Variants in MIA2 observed in about 807,000 individuals in gnomAD.
The protein encoded by MIA2 is melanoma inhibitory activity protein 2.
Under a neutral mutation model 167.8 loss-of-function variants are expected in MIA2, and 127 were observed. The ratio of observed to expected loss-of-function variants is 0.76; its 90% CI spans 0.66 to 0.88. MIA2 has a LOEUF of 0.88. Ranked by LOEUF, MIA2 falls within the 40% of genes least tolerant of loss-of-function variation. The pLI, the probability that MIA2 is intolerant of heterozygous loss-of-function variation, is 0.00. For synonymous variants in MIA2, 552 were observed against 541.9 expected, an observed-to-expected ratio of 1.02 and a Z score of -0.26; for missense variants, 1,690 against 1,624.7, an observed-to-expected ratio of 1.04 and a Z score of -0.69.
chr14:39,372,372 C>T (rs1210591099), intron 23 of MIA2, among the ~76,000 whole-genome samples: 1 of 151,960 alleles, frequency 6.6e-6, no homozygotes, highest in Non-Finnish European at 1.5e-5. Flanking sequence ...AGAAGTTGTT[C>T]TTACATCAAA....
intron 24 of MIA2, among the ~76,000 whole-genome samples, chr14:39,324,628 A>G (rs1740400552): frequency 6.8e-6 from 1 of 146,380 alleles, no homozygotes; most frequent in Non-Finnish European, 1.5e-5. Context: ...TTTTTTTTTG[A>G]GATAGTCTCA....
In MIA2 at chr14:39,317,442, C is replaced by G. The variant is rs182428188; in HGVS notation, c.3217-502C>G. Reference sequence around the variant, plus strand: ...AGTGTTCATTTCAATGAACTAATCACCCAATCAGATAGAACCCAGGCTGGC... The same window carrying G: ...AGTGTTCATTTCAATGAACTAATCAGCCAATCAGATAGAACCCAGGCTGGC... On this transcript the variant is annotated intron_variant, in intron 21 of 28. Coordinates refer to ENST00000640607, the MANE Select transcript of MIA2 (RefSeq NM_001329214.4). Among the ~76,000 whole-genome samples the G allele has an allele frequency of 2.2e-3, 329 of 152,160 alleles. 1 individual carries two copies. The highest frequency in any genetic ancestry group is 3.6e-3 in the Non-Finnish European group (243 of 68,020).
chr14:39,276,487 G>A (rs1306697970), intron 6 of MIA2: 1 of 157,068 alleles, frequency 6.4e-6, no homozygotes, highest in Non-Finnish European at 1.4e-5. Flanking sequence ...TTTGAGACAG[G>A]TCTTACTTTG....
At chr14:39,309,826 T>C (rs2063917327) in intron 18 of MIA2, among the ~76,000 whole-genome samples, 1 of 152,152 alleles carries the variant, frequency 6.6e-6, no homozygotes, top group African/African-American at 2.4e-5. Flanking sequence ...TTCAGTGCCT[T>C]TATATATTGG....
rs559460508 is a variant in MIA2 at position 39,320,497 on chromosome 14, A to G, written c.3368-431A>G. On this transcript the variant is annotated intron_variant, in intron 23 of 28. Transcript: ENST00000640607. ...CATTATTTAAACAATTCATGGCCCA[A>G]TACAGCCTATCTGGCCCTGATTTAA... Among the ~76,000 whole-genome samples, 44 of 152,280 alleles carry G rather than the reference A, an allele frequency of 2.9e-4. 1 individual carries two copies. In the South Asian group the frequency reaches 8.1e-3, roughly 28 times the overall value.
rs1219118144 is a variant in MIA2, at chr14:39,291,107, AAATGG to A, written c.2208+12_2208+16del. The A allele has an allele frequency of 6.3e-6, 10 of 1,590,266 alleles. No individual in the cohort carries two copies. The highest frequency in any genetic ancestry group is 8.5e-6 in the Non-Finnish European group (10 of 1,172,042). ...GCACAAAGTTTGGAGGTAGAAAATC[AAATGG>A]TATAATTTTAAAAGCTGGGGAAAAA... On this transcript the variant is annotated intron_variant, in intron 10 of 28. Coordinates refer to ENST00000640607, the MANE Select transcript of MIA2 (RefSeq NM_001329214.4).
rs568974553 is a variant in MIA2, at chr14:39,273,781, T to C, written c.1888-3153T>C. Among the ~76,000 whole-genome samples the C allele has an allele frequency of 1.8e-3, 274 of 152,280 alleles. 1 individual carries two copies. The highest frequency in any genetic ancestry group is 6.3e-3 in the African/African-American group (262 of 41,556). On this transcript the variant is annotated intron_variant, in intron 6 of 28. Transcript: ENST00000640607. ...CATCTGGAGTCATAAGATATATTGG[T>C]GTGTGATTTTCTTTTCTTGTGTGAT...
chr14:39,384,807 C>T (rs570733678), intron 23 of MIA2, among the ~76,000 whole-genome samples: 89 of 152,048 alleles, frequency 5.9e-4, no homozygotes, highest in African/African-American at 2.0e-3. Context: ...CACACACACA[C>T]ATCTTATTTT....
chr14:39,346,695 T>G (rs2073333458), intron 26 of MIA2, among the ~76,000 whole-genome samples: 1 of 148,564 alleles, frequency 6.7e-6, no homozygotes, highest in Admixed American at 6.7e-5. Flanking sequence ...ATGTTATATA[T>G]ATAATTTTAA....
intron 2 of MIA2, 108 bp downstream of exon 2, chr14:39,237,163 C>A: frequency 7.9e-7 from 1 of 1,260,736 alleles, no homozygotes; most frequent in Non-Finnish European, 1.1e-6. Flanking sequence ...CTCTGTCGCC[C>A]AGGCTGGAAT....
rs2061231104 is a variant in MIA2, at chr14:39,295,016, A to C, written c.2483A>C (p.Glu828Ala). The change falls in exon 13 of 29, where the codon GAA becomes GCA. Residue 828 changes from glutamate (E) to alanine (A), a missense_variant. Glu to Ala is a moderately radical substitution (Grantham distance 107, BLOSUM62 -1). Transcript: ENST00000640607. ...TTGAATGAAAATTCTCAACTTCAGG[A>C]AAGCCAGAAACAGGTTTGTGCTCCG... ...DALNENSQLQ[E>A]SQKQLLQEAE... is the part of the protein sequence containing the mutation. 1 of 1,610,722 alleles carries C rather than the reference A, an allele frequency of 6.2e-7. No individual in the cohort carries two copies. Among genetic ancestry groups the C allele is most frequent in the East Asian group, 2.2e-5 (1 of 44,858 alleles).
intron 23 of MIA2, among the ~76,000 whole-genome samples, chr14:39,319,569 T>G (rs1015712750): frequency 6.6e-6 from 1 of 152,088 alleles, no homozygotes; most frequent in Non-Finnish European, 1.5e-5. Context: ...AGCTAGGTGC[T>G]TGGCACATAG....
intron 25 of MIA2, among the ~76,000 whole-genome samples, chr14:39,336,141 A>G (rs955718125): frequency 1.3e-5 from 2 of 152,162 alleles, no homozygotes; most frequent in Non-Finnish European, 2.9e-5. Context: ...TGCTGGGTCA[A>G]ATGGTAGTTC....
rs555679167 is a variant in MIA2 at position 39,274,079 on chromosome 14, T to C, written c.1888-2855T>C. On this transcript the variant is annotated intron_variant, in intron 6 of 28. Coordinates refer to ENST00000640607, the MANE Select transcript of MIA2 (RefSeq NM_001329214.4). ...ATATTTTGTCAACCTGATTAATTGA[T>C]TTTTTTTAAAGCTACTTGATCTTGA... Among the ~76,000 whole-genome samples the C allele has an allele frequency of 1.8e-4, 28 of 152,178 alleles. No individual in the cohort carries two copies. The East Asian group carries it at 4.1e-3, about 22-fold the overall frequency.
chr14:39,254,916 C>T (rs1287395242), intron 6 of MIA2, among the ~76,000 whole-genome samples: 1 of 152,126 alleles, frequency 6.6e-6, no homozygotes, highest in Non-Finnish European at 1.5e-5. Flanking sequence ...TAATGACTGA[C>T]TGAATGCAGC....
rs372165021 is a variant in MIA2, at chr14:39,266,263, T to C, written c.1888-10671T>C. On this transcript the variant is annotated intron_variant, in intron 6 of 28. Coordinates refer to ENST00000640607, the MANE Select transcript of MIA2 (RefSeq NM_001329214.4). ...TGATCATGCTGGCAAGGAAGACATA[T>C]ATATGAGATGGGTTATCCTTTACAC... 4.1e-6 allele frequency: 4 copies of C among 982,672 alleles called. No homozygotes were observed. The African/African-American group carries it at 7.0e-5, about 17-fold the overall frequency. 60.9% of individuals were successfully genotyped at this position (982,672 alleles called of 1,614,324 possible).
rs551129784 is a variant in MIA2, at chr14:39,270,237, TG to T, written c.1888-6696del. ...TTTTTTTTGAGACTGAGTCTTGCTCTGTCACCCAGGCTGGAGTGCAGTGGCA... is the reference window on the plus strand; with the variant it reads ...TTTTTTTTGAGACTGAGTCTTGCTCTTCACCCAGGCTGGAGTGCAGTGGCA... On this transcript the variant is annotated intron_variant, in intron 6 of 28. Coordinates refer to ENST00000640607, the MANE Select transcript of MIA2 (RefSeq NM_001329214.4). 2.0e-3 allele frequency among the ~76,000 whole-genome samples: 296 copies of T among 146,682 alleles called. 3 individuals are homozygous for T. Among genetic ancestry groups the T allele is most frequent in the African/African-American group, 6.9e-3 (273 of 39,674 alleles).
chr14:39,315,285 C>CA (rs2065192553), intron 20 of MIA2: 1 of 156,484 alleles, frequency 6.4e-6, no homozygotes, highest in Non-Finnish European at 1.3e-5. Context: ...GCCTGGGTGA[C>CA]AGAGTGAGAC....
chr14:39,343,309 T>C (rs538712247), intron 25 of MIA2, among the ~76,000 whole-genome samples: 26 of 152,238 alleles, frequency 1.7e-4, no homozygotes, highest in African/African-American at 6.3e-4. Flanking sequence ...CACACCTGGC[T>C]AATTTTTTTG....
Sources: allele counts gnomAD v4.1 joint callset (sites outside exome capture counted in the v4.1 genomes callset), GRCh38; gene constraint gnomAD v4.1.1; transcripts MANE v1.5; gene names NCBI Gene and HGNC (gene_info 2026-07-23, HGNC 2026-07-21).